Variants in WDR59 observed in about 807,000 individuals in gnomAD.
The protein encoded by WDR59 is WD repeat domain 59, also known as GATOR2 complex protein WDR59.
In WDR59, 100 loss-of-function variants were observed where a neutral mutation model predicts 131.2. That is an observed-to-expected ratio of 0.76 (90% CI 0.65 to 0.90). The LOEUF is 0.90. WDR59 is among the 40% of genes least tolerant of loss of function. WDR59 has a pLI of 0.00. For missense variants in WDR59, 1,203 were observed against 1,262.2 expected, an observed-to-expected ratio of 0.95 and a Z score of 0.71; for synonymous variants, 601 against 466.2, an observed-to-expected ratio of 1.29 and a Z score of -3.72.
intron 23 of WDR59, among the ~76,000 whole-genome samples, chr16:74,887,243 C>CT (rs398058373): frequency 0.016 from 2,341 of 147,524 alleles, 41 homozygotes; most frequent in African/African-American, 0.052. Context: ...TTTTAAAAAC[C>CT]TTTTTTTTTT....
In WDR59 at chr16:74,951,547, AAAAG is replaced by A; in HGVS notation, c.241-8_241-5del. ...AAAGGTCTACTCGTTGGTTACTCTG[AAAAG>A]AAAGGAAAGAAGGCCACAGGCAAGT... On this transcript the variant is annotated splice_polypyrimidine_tract_variant and splice_region_variant and intron_variant, in intron 3 of 25. Transcript: ENST00000262144. 2 of 1,582,910 alleles carry A rather than the reference AAAAG, an allele frequency of 1.3e-6. No homozygotes were observed. The highest frequency in any genetic ancestry group is 4.5e-5 in the East Asian group (2 of 44,172).
rs138391622 is a variant in WDR59, at chr16:74,975,389, A to T, written c.55-9567T>A. On this transcript the variant is annotated intron_variant, in intron 1 of 25. Coordinates refer to ENST00000262144, the MANE Select transcript of WDR59 (RefSeq NM_030581.4). ...ACAACAAAAAAAAACAAGGCTGGGC[A>T]CAGTGGCTTATGCCTGTAATTCCAG... Among the ~76,000 whole-genome samples the T allele has an allele frequency of 1.0e-3, 155 of 151,572 alleles. 3 individuals carry two copies. The highest frequency in any genetic ancestry group is 3.6e-3 in the African/African-American group (150 of 41,316).
chr16:74,950,249 C>T (rs760419614), intron 4 of WDR59, among the ~76,000 whole-genome samples: 1 of 152,098 alleles, frequency 6.6e-6, no homozygotes, highest in Non-Finnish European at 1.5e-5. Flanking sequence ...ATCATTTGAA[C>T]CTGGGAGGCA....
chr16:74,886,234 C>T (rs1964756877), intron 24 of WDR59, 36 bp downstream of exon 24: 1 of 1,576,250 alleles, frequency 6.3e-7, no homozygotes, highest in Admixed American at 1.7e-5. Flanking sequence ...TGCCTGGAGT[C>T]CTGGCATTGC....
At chr16:74,984,811 C>T in intron 1 of WDR59, 153 bp downstream of exon 1, 2 of 1,081,766 alleles carry the variant, frequency 1.8e-6, no homozygotes, top group East Asian at 2.6e-5. Flanking sequence ...TTCCCTCCCC[C>T]GACGGGGCCT....
intron 1 of WDR59, among the ~76,000 whole-genome samples, chr16:74,983,988 T>C (rs2034526214): frequency 6.6e-6 from 1 of 150,894 alleles, no homozygotes; most frequent in Non-Finnish European, 1.5e-5. Context: ...TCAAATGAAG[T>C]AAAATAGGCC....
Position 74,902,274 on chromosome 16 carries a change from G to C in WDR59, c.1866+1673C>G, listed in dbSNP as rs569293495. Among the ~76,000 whole-genome samples, 8 of 152,072 alleles carry C rather than the reference G, an allele frequency of 5.3e-5. No individual in the cohort carries two copies. In the South Asian group the frequency reaches 1.2e-3, roughly 24 times the overall value. On this transcript the variant is annotated intron_variant, in intron 18 of 25. Transcript: ENST00000262144. ...AAGGCCACTTACTATGTCTATTACG[G>C]GGCTCGAACCACCCACTTTCTGTGC...
chr16:74,969,618 A>G (rs1375011392), intron 1 of WDR59, among the ~76,000 whole-genome samples: 2 of 151,710 alleles, frequency 1.3e-5, no homozygotes, highest in Non-Finnish European at 2.9e-5. Context: ...CTCGTTGCCC[A>G]GGCTGGAGTG....
chr16:74,924,563 T>G (rs2030587934), intron 8 of WDR59, among the ~76,000 whole-genome samples: 1 of 152,182 alleles, frequency 6.6e-6, no homozygotes, highest in Non-Finnish European at 1.5e-5. Context: ...CCTGCTGTCA[T>G]CCTCCAACAT....
rs372908748 is a variant in WDR59 at position 74,912,502 on chromosome 16, C to G, written c.1225-140G>C. The G allele has an allele frequency of 5.6e-6, 5 of 888,236 alleles. No homozygotes were observed. In the East Asian group the frequency reaches 1.1e-4, roughly 20 times the overall value. The allele number at this position is 888,236 out of a possible 1,614,324, so 55.0% of individuals were successfully genotyped here. Reference sequence around the variant, plus strand: ...TACAAAGACAAATGTGTGTGGAAGACAATTCATTTTCAAAAAGATTCTTAA... The same window carrying G: ...TACAAAGACAAATGTGTGTGGAAGAGAATTCATTTTCAAAAAGATTCTTAA... On this transcript the variant is annotated intron_variant, in intron 13 of 25. Coordinates refer to ENST00000262144, the MANE Select transcript of WDR59 (RefSeq NM_030581.4).
At chr16:74,953,851 A>G (rs2033140655) in intron 3 of WDR59, among the ~76,000 whole-genome samples, 1 of 151,504 alleles carries the variant, frequency 6.6e-6, no homozygotes, top group South Asian at 2.1e-4. Flanking sequence ...AATACAAAAA[A>G]ATTAGCCGGG....
At chr16:74,956,403 A>G in intron 3 of WDR59, 72 bp downstream of exon 3, 3 of 1,560,954 alleles carry the variant, frequency 1.9e-6, no homozygotes, top group Non-Finnish European at 2.6e-6. Flanking sequence ...TCTTCTCTAC[A>G]CAGGGCATAG....
chr16:74,977,470 C>T (rs983443118), intron 1 of WDR59, among the ~76,000 whole-genome samples: 1 of 151,472 alleles, frequency 6.6e-6, no homozygotes, highest in Non-Finnish European at 1.5e-5. Context: ...GGGCAGATCA[C>T]GATGTCAGGA....
intron 17 of WDR59, among the ~76,000 whole-genome samples, chr16:74,905,203 C>T (rs1965739035): frequency 6.6e-6 from 1 of 151,546 alleles, no homozygotes; most frequent in Admixed American, 6.6e-5. Flanking sequence ...TGGAGAAACC[C>T]CATCACTACT....
At chr16:74,962,139 A>T (rs1041293473) in intron 2 of WDR59, among the ~76,000 whole-genome samples, 3 of 151,928 alleles carry the variant, frequency 2.0e-5, no homozygotes, top group Admixed American at 6.6e-5. Flanking sequence ...ATTCTATTCC[A>T]TTGGTCTATA....
chr16:74,886,889 C>G (rs1964795282), intron 23 of WDR59, among the ~76,000 whole-genome samples: 1 of 152,132 alleles, frequency 6.6e-6, no homozygotes, highest in East Asian at 1.9e-4. Context: ...TGCCATTGCA[C>G]TCCAGCCTGG....
chr16:74,981,643 T>TATATAC (rs2034422168), intron 1 of WDR59, among the ~76,000 whole-genome samples: 3 of 22,616 alleles, frequency 1.3e-4, no homozygotes, highest in African/African-American at 6.1e-4. Flanking sequence ...TATATATATA[T>TATATAC]ATATATATAT....
chr16:74,945,275 G>C (rs2145112277), intron 6 of WDR59, among the ~76,000 whole-genome samples: 1 of 151,970 alleles, frequency 6.6e-6, no homozygotes, highest in Middle Eastern at 3.4e-3. Flanking sequence ...AGGAGATCGA[G>C]ACCATCCTGG....
chr16:74,883,919 C>T (rs1964636457), intron 25 of WDR59, among the ~76,000 whole-genome samples: 1 of 152,188 alleles, frequency 6.6e-6, no homozygotes, highest in Non-Finnish European at 1.5e-5. Flanking sequence ...GCAACTTCTC[C>T]AGTCCGATAT....
Sources: allele counts gnomAD v4.1 joint callset (sites outside exome capture counted in the v4.1 genomes callset), GRCh38; gene constraint gnomAD v4.1.1; transcripts MANE v1.5; gene names NCBI Gene and HGNC (gene_info 2026-07-23, HGNC 2026-07-21).